The following L3MBTL4 variants were observed in gnomAD, a reference collection of about 807,000 sequenced individuals.
L3MBTL4 encodes lethal(3)malignant brain tumor-like protein 4.
A neutral mutation model predicts 84.5 loss-of-function variants in L3MBTL4; 70 were observed. That is an observed-to-expected ratio of 0.83 (90% CI 0.68 to 1.01). The LOEUF is 1.01. Among genes scored for constraint, L3MBTL4 ranks in the 50% least tolerant of loss-of-function variants. The probability of loss-of-function intolerance (pLI) is 0.00; values close to 1 mark genes in which losing one functional copy is unlikely to be tolerated. For synonymous variants in L3MBTL4, 274 were observed against 259.8 expected (o/e 1.05, Z -0.52); for missense variants, 715 against 754.8 (o/e 0.95, Z 0.62).
chr18:6,307,095 T>G (rs529341612), intron 3 of L3MBTL4, among the ~76,000 whole-genome samples: 1 of 152,190 alleles, frequency 6.6e-6, no homozygotes, highest in South Asian at 2.1e-4. Context: ...CCCCTCAACT[T>G]TCTTACCTCT....
intron 13 of L3MBTL4, among the ~76,000 whole-genome samples, chr18:6,158,140 T>C (rs1233856107): frequency 6.6e-6 from 1 of 152,196 alleles, no homozygotes; most frequent in Non-Finnish European, 1.5e-5. Flanking sequence ...TATAGACAAA[T>C]GTTTTTTGGA....
At chr18:5,976,306 T>C (rs954333605) in intron 16 of L3MBTL4, among the ~76,000 whole-genome samples, 5 of 152,248 alleles carry the variant, frequency 3.3e-5, no homozygotes, top group African/African-American at 1.2e-4. Flanking sequence ...GAATATGTCG[T>C]CAAAACTAAT....
At position 5,967,860 on chromosome 18, in the gene L3MBTL4, G is replaced by C. The variant is rs1377113787; in HGVS notation, c.1614+1533C>G. Among the ~76,000 whole-genome samples, 4 of 152,210 alleles carry C rather than the reference G, an allele frequency of 2.6e-5. No individual in the cohort carries two copies. The South Asian group carries it at 8.3e-4, about 32-fold the overall frequency. On this transcript the variant is annotated intron_variant, in intron 17 of 18. Coordinates refer to ENST00000317931, the MANE Select transcript of L3MBTL4 (RefSeq NM_001330559.2). ...CGGCAAGAATGGCAGGACAAGCAAG[G>C]GTGGAAAAGGGGACTTGTGAAGGGC...
intron 14 of L3MBTL4, among the ~76,000 whole-genome samples, chr18:6,108,506 TG>T (rs887261474): frequency 2.0e-5 from 3 of 152,288 alleles, no homozygotes; most frequent in Admixed American, 1.3e-4. Flanking sequence ...AGGTCCAATT[TG>T]CAATAATATA....
intron 4 of L3MBTL4, among the ~76,000 whole-genome samples, chr18:6,279,921 C>T (rs1442072909): frequency 6.6e-6 from 1 of 151,832 alleles, no homozygotes; most frequent in Non-Finnish European, 1.5e-5. Flanking sequence ...ATTAATTTGA[C>T]TCTGTGAGTC....
intron 16 of L3MBTL4, among the ~76,000 whole-genome samples, chr18:6,062,381 T>C (rs2057252822): frequency 6.6e-6 from 1 of 152,038 alleles, no homozygotes; most frequent in Non-Finnish European, 1.5e-5. Context: ...GGTGATTATT[T>C]TCCTCTGGCT....
intron 12 of L3MBTL4, among the ~76,000 whole-genome samples, chr18:6,191,388 G>A (rs1380257174): frequency 1.3e-5 from 2 of 152,180 alleles, no homozygotes; most frequent in Admixed American, 1.3e-4. Context: ...GAAGCCAGCA[G>A]TCAAAGATGA....
At chr18:6,249,730 A>G (rs1183345830) in intron 5 of L3MBTL4, among the ~76,000 whole-genome samples, 1 of 152,250 alleles carries the variant, frequency 6.6e-6, no homozygotes, top group East Asian at 1.9e-4. Flanking sequence ...TTTCATTAAT[A>G]TAATTGATAC....
chr18:6,206,902 A>C (rs2045900505), intron 12 of L3MBTL4, among the ~76,000 whole-genome samples: 1 of 152,210 alleles, frequency 6.6e-6, no homozygotes, highest in Non-Finnish European at 1.5e-5. Context: ...GGAAAAAATA[A>C]GACAAGGATA....
intron 4 of L3MBTL4, 30 bp downstream of exon 4, chr18:6,301,873 A>C: frequency 1.3e-6 from 2 of 1,557,598 alleles, no homozygotes; most frequent in Non-Finnish European, 1.8e-6. Context: ...TTCACTGTGA[A>C]CTACCACTGT....
intron 12 of L3MBTL4, among the ~76,000 whole-genome samples, chr18:6,186,733 A>G (rs2044786051): frequency 6.6e-6 from 1 of 152,162 alleles, no homozygotes; most frequent in African/African-American, 2.4e-5. Flanking sequence ...TTGGTGGATA[A>G]AGATCTGAAG....
intron 12 of L3MBTL4, among the ~76,000 whole-genome samples, chr18:6,194,787 C>T (rs1347357631): frequency 6.6e-6 from 1 of 152,172 alleles, no homozygotes. Flanking sequence ...GCAGCATCCC[C>T]GATGAATTGC....
chr18:6,083,844 T>C (rs555646800), intron 15 of L3MBTL4, among the ~76,000 whole-genome samples: 2 of 152,312 alleles, frequency 1.3e-5, no homozygotes, highest in African/African-American at 4.8e-5. Flanking sequence ...AAGCTGTAGC[T>C]GTCACTGTCA....
chr18:6,027,196 C>G lies in L3MBTL4; in HGVS notation c.1444+53685G>C, dbSNP rs555873378. On this transcript the variant is annotated intron_variant, in intron 16 of 18. Transcript: ENST00000317931. ...TGCTCTCCCTCCCTTGACCCCACCC[C>G]CGCAACAGGTGCTACTGTATGATGT... Among the ~76,000 whole-genome samples, 3 of 152,260 alleles carry G rather than the reference C, an allele frequency of 2.0e-5. No homozygotes were observed. The South Asian group carries it at 6.2e-4, about 32-fold the overall frequency.
At chr18:6,303,317 C>A (rs1239583084) in intron 3 of L3MBTL4, among the ~76,000 whole-genome samples, 2 of 152,040 alleles carry the variant, frequency 1.3e-5, no homozygotes, top group East Asian at 3.9e-4. Flanking sequence ...GATGGGGTTT[C>A]ACTATATTGG....
chr18:6,370,875 G>A (rs750620061), intron 1 of L3MBTL4, among the ~76,000 whole-genome samples: 1 of 152,266 alleles, frequency 6.6e-6, no homozygotes. Context: ...GGAGGCCAGC[G>A]CTTTTCATGC....
chr18:6,255,364 C>T (rs953151345), intron 5 of L3MBTL4, among the ~76,000 whole-genome samples: 5 of 152,220 alleles, frequency 3.3e-5, no homozygotes, highest in African/African-American at 9.6e-5. Flanking sequence ...TTCCAGACTT[C>T]AGATCTGCTC....
chr18:6,298,300 T>C (rs1464473419), intron 4 of L3MBTL4, among the ~76,000 whole-genome samples: 2 of 152,216 alleles, frequency 1.3e-5, no homozygotes, highest in Non-Finnish European at 2.9e-5. Context: ...TTTAATATAT[T>C]CATTTTTAGC....
chr18:5,965,750 T>C (rs1598303037), intron 17 of L3MBTL4, among the ~76,000 whole-genome samples: 1 of 152,150 alleles, frequency 6.6e-6, no homozygotes, highest in Non-Finnish European at 1.5e-5. Context: ...AAATGTGCTG[T>C]AGTGTGTGAG....
Sources: allele counts gnomAD v4.1 joint callset (sites outside exome capture counted in the v4.1 genomes callset), GRCh38; gene constraint gnomAD v4.1.1; transcripts MANE v1.5; gene names NCBI Gene and HGNC (gene_info 2026-07-23, HGNC 2026-07-21).